The following SLC2A9 variants were observed in gnomAD, a reference collection of about 807,000 sequenced individuals.
SLC2A9 encodes solute carrier family 2, facilitated glucose transporter member 9.
SLC2A9 carries 39 observed loss-of-function variants against 50.6 expected under a neutral mutation model. The observed-to-expected ratio is 0.77, with a 90% CI of 0.60 to 1.01. The LOEUF is 1.01. SLC2A9 is among the 50% of genes least tolerant of loss of function. The pLI is 0.00. For missense variants in SLC2A9, 686 were observed against 677.6 expected (o/e 1.01, Z -0.14); for synonymous variants, 324 against 276.9 (o/e 1.17, Z -1.69).
chr4:9,977,026 T>G (rs1331234482), intron 5 of SLC2A9, among the ~76,000 whole-genome samples: 1 of 152,126 alleles, frequency 6.6e-6, no homozygotes, highest in East Asian at 1.9e-4. Flanking sequence ...TCACTCAACC[T>G]CATCTGCCTC....
At chr4:10,021,665 CA>C (rs776456022), upstream of SLC2A9, among the ~76,000 whole-genome samples, 3 of 150,292 alleles carry the variant, frequency 2.0e-5, no homozygotes, top group Non-Finnish European at 4.4e-5. Context: ...GATTGCCACC[CA>C]GGGGGTGGAA....
intron 10 of SLC2A9, among the ~76,000 whole-genome samples, chr4:9,861,716 T>C (rs1486233403): frequency 6.6e-6 from 1 of 151,948 alleles, no homozygotes; most frequent in Non-Finnish European, 1.5e-5. Flanking sequence ...AATGAATGAA[T>C]GAATGAATGA....
In SLC2A9 at chr4:9,834,957, G is replaced by A. The variant is rs372201423; in HGVS notation, c.1343C>T (p.Pro448Leu). The change falls in exon 11 of 12, where the codon CCG becomes CTG. Residue 448 changes from proline (P) to leucine (L), a missense_variant. Physicochemically the swap from Pro to Leu is moderately conservative, Grantham distance 98. Coordinates refer to ENST00000264784, the MANE Select transcript of SLC2A9 (RefSeq NM_020041.3). ...TGEFFQQSQR[P>L]AAFIIAGTVN... Reference sequence around the variant, plus strand: ...GGTGCCTGCAATGATGAAGGCAGCCGGCCGCTGAGATTGCTGGAAGAACTC... The same window carrying A: ...GGTGCCTGCAATGATGAAGGCAGCCAGCCGCTGAGATTGCTGGAAGAACTC... The A allele has an allele frequency of 3.8e-5, 62 of 1,613,900 alleles. No individual in the cohort carries two copies. The highest frequency in any genetic ancestry group is 4.7e-5 in the Non-Finnish European group (55 of 1,180,012).
intron 7 of SLC2A9, among the ~76,000 whole-genome samples, chr4:9,919,009 G>GA (rs34064545): frequency 2.1e-4 from 32 of 152,104 alleles, no homozygotes; most frequent in Non-Finnish European, 4.4e-5. Context: ...GATGCAAATG[G>GA]AAAAATGATG....
intron 3 of SLC2A9, among the ~76,000 whole-genome samples, chr4:9,987,594 C>G (rs1756948356): frequency 6.6e-6 from 1 of 152,158 alleles, no homozygotes; most frequent in Admixed American, 6.5e-5. Flanking sequence ...GGTCTCTGAT[C>G]TTAGAACTTG....
chr4:9,773,310 A>G (rs1269320342), intron 1 of SLC2A9, among the ~76,000 whole-genome samples: 1 of 152,068 alleles, frequency 6.6e-6, no homozygotes, highest in Non-Finnish European at 1.5e-5. Flanking sequence ...GCACATTGGC[A>G]GGGCTGGTGG....
intron 5 of SLC2A9, among the ~76,000 whole-genome samples, chr4:9,967,762 G>C (rs1383901014): frequency 6.6e-6 from 1 of 151,804 alleles, no homozygotes; most frequent in Admixed American, 6.5e-5. Flanking sequence ...AAAAAATCTT[G>C]CCTGGTAAAT....
rs1214584772 is a variant in SLC2A9 at position 9,834,623 on chromosome 4, G to C, written c.1419+258C>G. 3.3e-5 allele frequency among the ~76,000 whole-genome samples: 5 copies of C among 152,282 alleles called. No homozygotes were observed. In the East Asian group the frequency reaches 9.6e-4, roughly 29 times the overall value. On this transcript the variant is annotated intron_variant, in intron 11 of 11. Coordinates refer to ENST00000264784, the MANE Select transcript of SLC2A9 (RefSeq NM_020041.3). The stretch of plus-strand genomic sequence containing the variant: ...TTGTAGGTTTGAGTTGCTAACCTAG[G>C]AGTCCTTGCATACCGTCAGCAATGG...
chr4:9,833,668 G>A (rs1337461335), intron 11 of SLC2A9, among the ~76,000 whole-genome samples: 1 of 152,230 alleles, frequency 6.6e-6, no homozygotes, highest in African/African-American at 2.4e-5. Flanking sequence ...GCTCACCCAA[G>A]CTGGCAGCAG....
At chr4:9,866,197 C>T (rs1195115763) in intron 10 of SLC2A9, among the ~76,000 whole-genome samples, 1 of 151,778 alleles carries the variant, frequency 6.6e-6, no homozygotes, top group Non-Finnish European at 1.5e-5. Flanking sequence ...AACATGGATG[C>T]TAATTACTAT....
At chr4:9,905,530 C>A (rs1270634575) in intron 8 of SLC2A9, among the ~76,000 whole-genome samples, 3 of 152,252 alleles carry the variant, frequency 2.0e-5, no homozygotes, top group Non-Finnish European at 1.5e-5. Flanking sequence ...TTAGAAAGGA[C>A]TCTTCCTTCC....
chr4:9,880,805 C>T (rs1735073884), intron 10 of SLC2A9, among the ~76,000 whole-genome samples: 3 of 152,338 alleles, frequency 2.0e-5, no homozygotes, highest in Admixed American at 2.0e-4. Context: ...ATCATAGTGG[C>T]AATGCCCACA....
intron 10 of SLC2A9, among the ~76,000 whole-genome samples, chr4:9,884,432 C>T (rs1202398761): frequency 8.0e-6 from 1 of 124,366 alleles, no homozygotes; most frequent in African/African-American, 3.2e-5. Context: ...CACTACTACA[C>T]CTGGCTAGAA....
intron 2 of SLC2A9, chr4:10,009,738 T>C (rs1014636667): frequency 6.6e-6 from 1 of 152,246 alleles, no homozygotes; most frequent in East Asian, 1.9e-4. Context: ...CTAATTTATA[T>C]TGGATGGTGT....
intron 10 of SLC2A9, among the ~76,000 whole-genome samples, chr4:9,858,941 T>C (rs566405977): frequency 6.6e-6 from 1 of 152,282 alleles, no homozygotes; most frequent in Admixed American, 6.5e-5. Flanking sequence ...CCTTCATCTT[T>C]CTCCTGGGCT....
At chr4:9,968,587 CT>C (rs1753410782) in intron 5 of SLC2A9, among the ~76,000 whole-genome samples, 2 of 152,138 alleles carry the variant, frequency 1.3e-5, no homozygotes, top group South Asian at 4.1e-4. Flanking sequence ...ATTTCTCATG[CT>C]TTTACTAAGA....
At chr4:9,924,583 G>T (rs1744559306) in intron 6 of SLC2A9, among the ~76,000 whole-genome samples, 3 of 152,048 alleles carry the variant, frequency 2.0e-5, no homozygotes, top group Admixed American at 2.0e-4. Flanking sequence ...TTCCTCAATT[G>T]TACCCTCTCC....
downstream of SLC2A9, among the ~76,000 whole-genome samples, chr4:9,797,997 T>G (rs771737188): frequency 6.6e-6 from 1 of 152,172 alleles, no homozygotes; most frequent in East Asian, 1.9e-4. Context: ...GTGTGTGGAA[T>G]GAGTGAATGA....
At chr4:9,988,688 T>C (rs554854798) in intron 3 of SLC2A9, among the ~76,000 whole-genome samples, 1 of 152,226 alleles carries the variant, frequency 6.6e-6, no homozygotes, top group Non-Finnish European at 1.5e-5. Context: ...TCATTGTTTT[T>C]AGCTTCTCCA....
Sources: gnomAD v4.1 joint callset for allele counts (sites outside exome capture counted in the v4.1 genomes callset) on GRCh38, gnomAD v4.1.1 for gene constraint, MANE v1.5 for transcripts, NCBI Gene and HGNC (gene_info 2026-07-23, HGNC 2026-07-21) for gene names.